Variants in FER observed in about 807,000 individuals in gnomAD.
The protein encoded by FER is tyrosine-protein kinase Fer.
Under a neutral mutation model 111.0 loss-of-function variants are expected in FER, and 63 were observed. The ratio of observed to expected loss-of-function variants is 0.57; its 90% confidence interval spans 0.46 to 0.70. FER has a LOEUF of 0.70. Among genes scored for constraint, FER ranks in the 30% least tolerant of loss-of-function variants. FER has a pLI of 0.00. For missense variants in FER, 914 were observed against 954.0 expected (o/e 0.96, Z 0.55); for synonymous variants, 327 against 313.9 (o/e 1.04, Z -0.44).
At chr5:109,140,595 C>T (rs889651726) in intron 17 of FER, among the ~76,000 whole-genome samples, 13 of 152,112 alleles carry the variant, frequency 8.5e-5, no homozygotes, top group African/African-American at 3.1e-4. Flanking sequence ...TTACTAAATA[C>T]AAAAGCCTGT....
At chr5:109,050,204 A>G (rs1772582092) in intron 16 of FER, among the ~76,000 whole-genome samples, 1 of 152,316 alleles carries the variant, frequency 6.6e-6, no homozygotes, top group Non-Finnish European at 1.5e-5. Flanking sequence ...TCCTAAAAAA[A>G]AGAGAGAAAA....
At chr5:108,996,257 C>T (rs1468038879) in intron 13 of FER, among the ~76,000 whole-genome samples, 1 of 152,066 alleles carries the variant, frequency 6.6e-6, no homozygotes, top group East Asian at 1.9e-4. Context: ...TGGAAGCTCT[C>T]TAGTTTAATT....
intron 2 of FER, among the ~76,000 whole-genome samples, chr5:108,781,110 A>G (rs1306002293): frequency 2.6e-5 from 4 of 152,134 alleles, no homozygotes; most frequent in Non-Finnish European, 1.5e-5. Flanking sequence ...AGTTGTTTTT[A>G]GTAATTGAGC....
intron 13 of FER, among the ~76,000 whole-genome samples, chr5:108,968,067 T>C (rs1035931184): frequency 3.3e-5 from 5 of 152,126 alleles, no homozygotes; most frequent in Admixed American, 6.5e-5. Context: ...CAAGCTGCAA[T>C]GTATTTTACC....
chr5:109,173,399 G>A (rs1345563828), intron 17 of FER, among the ~76,000 whole-genome samples: 1 of 152,238 alleles, frequency 6.6e-6, no homozygotes, highest in East Asian at 1.9e-4. Context: ...CTCAATGGTT[G>A]AGGCATCCAA....
At chr5:108,857,897 T>C (rs977599810) in intron 5 of FER, among the ~76,000 whole-genome samples, 1 of 152,220 alleles carries the variant, frequency 6.6e-6, no homozygotes, top group African/African-American at 2.4e-5. Context: ...CTATCATTCA[T>C]TGAATACGTA....
At chr5:108,872,417 G>T (rs1764688604) in intron 8 of FER, among the ~76,000 whole-genome samples, 1 of 152,052 alleles carries the variant, frequency 6.6e-6, no homozygotes, top group South Asian at 2.1e-4. Context: ...TCTGTGTGAT[G>T]TTACATTCAT....
intron 1 of FER, among the ~76,000 whole-genome samples, chr5:108,754,899 T>A (rs1750913305): frequency 6.6e-6 from 1 of 152,218 alleles, no homozygotes; most frequent in African/African-American, 2.4e-5. Flanking sequence ...GAGCTTAATT[T>A]TAAATCACTC....
intron 3 of FER, among the ~76,000 whole-genome samples, chr5:108,811,234 T>A (rs1466667611): frequency 6.6e-6 from 1 of 152,184 alleles, no homozygotes; most frequent in East Asian, 1.9e-4. Flanking sequence ...CAGGTCATGC[T>A]GCTGATCCAA....
At chr5:108,940,247 C>G (rs187542958) in intron 10 of FER, among the ~76,000 whole-genome samples, 88 of 152,056 alleles carry the variant, frequency 5.8e-4, no homozygotes, top group Middle Eastern at 3.4e-3. Context: ...AATTAGTGGT[C>G]TTTTTGATGG....
At position 108,776,729 on chromosome 5, in the gene FER, A is replaced by T. The variant is rs536709557; in HGVS notation, c.-60+8491A>T. 1.2e-3 allele frequency among the ~76,000 whole-genome samples: 179 copies of T among 152,298 alleles called. 1 individual carries two copies. The highest frequency in any genetic ancestry group is 4.1e-3 in the African/African-American group (172 of 41,574). ...AAAACAGCAATTTTAATGGTTTTTT[A>T]AAAAAGTTTTAAATCAGTATTTATG... On this transcript the variant is annotated intron_variant, in intron 2 of 19. Coordinates refer to ENST00000281092, the MANE Select transcript of FER (RefSeq NM_005246.4).
intron 13 of FER, among the ~76,000 whole-genome samples, chr5:109,010,358 C>G (rs993082890): frequency 1.2e-4 from 18 of 151,998 alleles, no homozygotes; most frequent in Non-Finnish European, 1.8e-4. Flanking sequence ...GGGGTTTGAC[C>G]GTGTTAGCCA....
At chr5:109,042,669 T>C (rs943680410) in intron 14 of FER, among the ~76,000 whole-genome samples, 1 of 152,106 alleles carries the variant, frequency 6.6e-6, no homozygotes, top group Non-Finnish European at 1.5e-5. Flanking sequence ...ATAATATGTA[T>C]TCAGGGACAG....
At chr5:109,151,616 CTT>C (rs1754863084) in intron 17 of FER, among the ~76,000 whole-genome samples, 1 of 152,058 alleles carries the variant, frequency 6.6e-6, no homozygotes, top group Non-Finnish European at 1.5e-5. Flanking sequence ...AGTAAAGAAA[CTT>C]TTAGAAACAG....
intron 17 of FER, among the ~76,000 whole-genome samples, chr5:109,154,902 A>AATTCC (rs1049791899): frequency 2.6e-5 from 4 of 151,904 alleles, no homozygotes; most frequent in African/African-American, 9.7e-5. Flanking sequence ...TTCGTGTATA[A>AATTCC]AACAGTATTT....
At chr5:109,079,030 A>T (rs368283956) in intron 16 of FER, among the ~76,000 whole-genome samples, 7 of 152,136 alleles carry the variant, frequency 4.6e-5, no homozygotes, top group African/African-American at 1.4e-4. Flanking sequence ...TCTTACCACA[A>T]CCATACCCAC....
chr5:108,919,282 A>AT lies in FER; in HGVS notation c.1236+21443dup, dbSNP rs533230776. The stretch of plus-strand genomic sequence containing the variant: ...GGTTATTCTTGATTTCACTTTGTAG[A>AT]TTTTTTTTTATGGCTTTATAGATGA... On this transcript the variant is annotated intron_variant, in intron 10 of 19. Transcript: ENST00000281092. Among the ~76,000 whole-genome samples the AT allele has an allele frequency of 9.4e-5, 14 of 149,412 alleles. No individual in the cohort carries two copies. In the East Asian group the frequency reaches 9.8e-4, roughly 10 times the overall value.
intron 13 of FER, among the ~76,000 whole-genome samples, chr5:108,989,751 T>C (rs1350749971): frequency 6.6e-6 from 1 of 151,988 alleles, no homozygotes; most frequent in Non-Finnish European, 1.5e-5. Context: ...AAGAAAGCAA[T>C]TAAAATAGTC....
At chr5:108,832,351 C>T (rs1760132719) in intron 3 of FER, among the ~76,000 whole-genome samples, 1 of 152,094 alleles carries the variant, frequency 6.6e-6, no homozygotes, top group Non-Finnish European at 1.5e-5. Flanking sequence ...GATCAGATGC[C>T]ACAGAGAGAT....
Sources: allele counts gnomAD v4.1 joint callset (sites outside exome capture counted in the v4.1 genomes callset), GRCh38; gene constraint gnomAD v4.1.1; transcripts MANE v1.5; gene names NCBI Gene and HGNC (gene_info 2026-07-23, HGNC 2026-07-21).